Variants in PEX14 observed in about 807,000 individuals in gnomAD.
The protein encoded by PEX14 is peroxisomal biogenesis factor 14.
PEX14 carries 15 observed loss-of-function variants against 49.5 expected under a neutral mutation model. The observed-to-expected ratio is 0.30, with a 90% CI of 0.20 to 0.47. The LOEUF (loss-of-function observed/expected upper bound fraction) is 0.47. Among genes scored for constraint, PEX14 ranks in the 20% least tolerant of loss-of-function variants. PEX14 has a pLI of 1.00. For synonymous variants in PEX14, 210 were observed against 212.7 expected, an observed-to-expected ratio of 0.99 and a Z score of 0.11; for missense variants, 398 against 494.8, an observed-to-expected ratio of 0.80 and a Z score of 1.86.
chr1:10,592,547 C>T (rs930501269), intron 3 of PEX14, among the ~76,000 whole-genome samples: 1 of 152,154 alleles, frequency 6.6e-6, no homozygotes, highest in African/African-American at 2.4e-5. Context: ...CTGTCTTGTT[C>T]GCCAGTTATA....
intron 1 of PEX14, among the ~76,000 whole-genome samples, chr1:10,479,512 G>A (rs950229121): frequency 3.9e-5 from 6 of 152,188 alleles, no homozygotes; most frequent in African/African-American, 1.4e-4. Flanking sequence ...AATGAGAAAC[G>A]TTATCTCTAT....
At chr1:10,569,921 T>C (rs914640640) in intron 3 of PEX14, among the ~76,000 whole-genome samples, 2 of 152,232 alleles carry the variant, frequency 1.3e-5, no homozygotes, top group Non-Finnish European at 2.9e-5. Context: ...GTGATGTACA[T>C]GAGAGGGTCT....
intron 3 of PEX14, among the ~76,000 whole-genome samples, chr1:10,545,312 G>A (rs1557837111): frequency 6.6e-6 from 1 of 152,126 alleles, no homozygotes; most frequent in Non-Finnish European, 1.5e-5. Context: ...ATAAGTTTTT[G>A]TAGGGACATA....
chr1:10,555,642 A>AGTGTGTGT (rs56824548), intron 3 of PEX14, among the ~76,000 whole-genome samples: 29,231 of 149,254 alleles, frequency 0.2, 2,918 homozygotes, highest in Middle Eastern at 0.25. Flanking sequence ...GCAAGGTGTG[A>AGTGTGTGT]GTGTGTGTGT....
chr1:10,504,881 G>C (rs565351616), intron 2 of PEX14, among the ~76,000 whole-genome samples: 1 of 149,904 alleles, frequency 6.7e-6, no homozygotes, highest in Non-Finnish European at 1.5e-5. Flanking sequence ...CCGCCTCCCA[G>C]GGTCAAGCTG....
chr1:10,561,571 G>A (rs754278559), intron 3 of PEX14, among the ~76,000 whole-genome samples: 1 of 152,134 alleles, frequency 6.6e-6, no homozygotes, highest in Non-Finnish European at 1.5e-5. Context: ...TCCAGTATTG[G>A]TGATGCTAAT....
rs1050020787 is a variant in PEX14, at chr1:10,512,396, G to C, written c.84+17075G>C. On this transcript the variant is annotated intron_variant, in intron 2 of 8. Coordinates refer to ENST00000356607, the MANE Select transcript of PEX14 (RefSeq NM_004565.3). The surrounding 1 kb of genome is among the most constrained non-coding windows in gnomAD (Gnocchi z 4.6). Reference sequence around the variant, plus strand: ...TGCTGGGTGTTGAAACACCTGGCCAGGGAAACAGAGACTTCTGTGGATTCA... The same window carrying C: ...TGCTGGGTGTTGAAACACCTGGCCACGGAAACAGAGACTTCTGTGGATTCA... Among the ~76,000 whole-genome samples the C allele has an allele frequency of 6.6e-6, 1 of 152,136 alleles. No homozygotes were observed. Among genetic ancestry groups the C allele is most frequent in the Non-Finnish European group, 1.5e-5 (1 of 68,016 alleles).
chr1:10,503,281 CAAAAAAAAAAAAAAAAA>C (rs59342388), intron 2 of PEX14, among the ~76,000 whole-genome samples: 4 of 75,482 alleles, frequency 5.3e-5, no homozygotes, highest in African/African-American at 2.3e-4. Flanking sequence ...GACTCTGTCT[CAAAAAAAAAAAAAAAAA>C]AAAAAAAAGA....
rs765756084 is a variant in PEX14 at position 10,628,448 on chromosome 1, C to T, written c.678-1083C>T. On this transcript the variant is annotated intron_variant, in intron 8 of 8. Transcript: ENST00000356607. This position sits in a 1 kb window ranked among gnomAD's most constrained non-coding sequence, Gnocchi z 4.5. ...CAGGATGGGGTGCAGAGGGGTCTTG[C>T]GGCTCCAGCCAGAAGACCCCATTTT... 5.9e-5 allele frequency among the ~76,000 whole-genome samples: 9 copies of T among 152,316 alleles called. No homozygotes were observed. The highest frequency in any genetic ancestry group is 2.0e-4 in the Admixed American group (3 of 15,304).
At chr1:10,611,440 A>G (rs1367419682) in intron 4 of PEX14, among the ~76,000 whole-genome samples, 1 of 152,220 alleles carries the variant, frequency 6.6e-6, no homozygotes, top group Non-Finnish European at 1.5e-5. Flanking sequence ...TGGGGCTATT[A>G]TGAGTAAAGC....
chr1:10,590,402 G>T (rs1171854263), intron 3 of PEX14, among the ~76,000 whole-genome samples: 2 of 152,020 alleles, frequency 1.3e-5, no homozygotes, highest in African/African-American at 4.8e-5. Flanking sequence ...TTTCTTTTTT[G>T]TTTTTTGTGT....
intron 3 of PEX14, among the ~76,000 whole-genome samples, chr1:10,595,602 A>G (rs1005473981): frequency 2.0e-5 from 3 of 152,208 alleles, no homozygotes; most frequent in African/African-American, 7.2e-5. Context: ...CTTTATTAAA[A>G]TTGACTAATT....
At chr1:10,604,576 A>C (rs1570338633) in intron 4 of PEX14, among the ~76,000 whole-genome samples, 1 of 152,014 alleles carries the variant, frequency 6.6e-6, no homozygotes, top group Non-Finnish European at 1.5e-5. Context: ...GTACCCCTGC[A>C]CTCCAGCCTG....
At chr1:10,525,195 G>T (rs1471887094) in intron 2 of PEX14, among the ~76,000 whole-genome samples, 1 of 152,110 alleles carries the variant, frequency 6.6e-6, no homozygotes, top group Non-Finnish European at 1.5e-5. Context: ...CTGGACTGAT[G>T]TCTCTTGATT....
intron 3 of PEX14, among the ~76,000 whole-genome samples, chr1:10,575,965 T>C (rs1008988864): frequency 9.2e-5 from 14 of 152,202 alleles, no homozygotes; most frequent in African/African-American, 3.4e-4. Context: ...AAAACAGCTT[T>C]CTCATATTGT....
At chr1:10,479,118 T>C (rs923415059) in intron 1 of PEX14, among the ~76,000 whole-genome samples, 1 of 151,912 alleles carries the variant, frequency 6.6e-6, no homozygotes, top group Non-Finnish European at 1.5e-5. Context: ...GGCTCATACC[T>C]GTAATCTTAG....
intron 2 of PEX14, among the ~76,000 whole-genome samples, chr1:10,506,897 G>T (rs1237379546): frequency 6.6e-6 from 1 of 152,220 alleles, no homozygotes; most frequent in Admixed American, 6.5e-5. Flanking sequence ...CAAAAGATCA[G>T]CAGTGACTGA....
chr1:10,610,283 C>T (rs2124620286), intron 4 of PEX14, among the ~76,000 whole-genome samples: 1 of 147,598 alleles, frequency 6.8e-6, no homozygotes, highest in South Asian at 2.1e-4. Flanking sequence ...TTTGGAGACA[C>T]CATCTCACTC....
chr1:10,556,219 C>T (rs1391349029), intron 3 of PEX14, among the ~76,000 whole-genome samples: 7 of 152,154 alleles, frequency 4.6e-5, no homozygotes, highest in South Asian at 2.1e-4. Flanking sequence ...CTTTGTCTTT[C>T]TGGACTCCTG....
Sources: gnomAD v4.1 joint callset for allele counts (sites outside exome capture counted in the v4.1 genomes callset) on GRCh38, gnomAD v4.1.1 for gene constraint, Gnocchi (gnomAD v3.1) non-coding constraint, MANE v1.5 for transcripts, NCBI Gene and HGNC (gene_info 2026-07-23, HGNC 2026-07-21) for gene names.